The following TSHZ2 variants were observed in gnomAD, a reference collection of about 807,000 sequenced individuals.
TSHZ2 encodes the protein teashirt homolog 2.
A neutral mutation model predicts 74.4 loss-of-function variants in TSHZ2; 21 were observed. The observed-to-expected ratio is 0.28, with a 90% CI of 0.20 to 0.41. TSHZ2 has a LOEUF of 0.41. Among genes scored for constraint, TSHZ2 ranks in the 10% least tolerant of loss-of-function variants. The pLI is 1.00. For synonymous variants in TSHZ2, 540 were observed against 515.3 expected (o/e 1.05, Z -0.65); for missense variants, 1,244 against 1,293.5 (o/e 0.96, Z 0.59).
At chr20:53,026,352 CTTT>C (rs113816786) in intron 1 of TSHZ2, among the ~76,000 whole-genome samples, 1 of 143,798 alleles carries the variant, frequency 7.0e-6, no homozygotes. Context: ...CTCTCATATT[CTTT>C]TTTTTTTTTT....
Position 52,993,839 on chromosome 20 carries a change from A to C in TSHZ2, c.40+20506A>C, listed in dbSNP as rs79815836. The stretch of plus-strand genomic sequence containing the variant: ...CCAATTTGTGGATTGAGATGTTTTA[A>C]TTTTCTATGCGAGAAACACATAACA... On this transcript the variant is annotated intron_variant, in intron 1 of 2. Transcript: ENST00000371497. Among the ~76,000 whole-genome samples the C allele has an allele frequency of 3.3e-5, 5 of 152,348 alleles. No individual in the cohort carries two copies. The East Asian group carries it at 9.6e-4, about 29-fold the overall frequency.
intron 1 of TSHZ2, among the ~76,000 whole-genome samples, chr20:53,251,376 A>C (rs1172885946): frequency 1.3e-5 from 2 of 152,250 alleles, no homozygotes; most frequent in African/African-American, 4.8e-5. Flanking sequence ...TTTATAACAG[A>C]GACTTTCTCT....
At chr20:53,448,243 T>TA (rs1984636420) in intron 2 of TSHZ2, among the ~76,000 whole-genome samples, 1 of 151,970 alleles carries the variant, frequency 6.6e-6, no homozygotes, top group Non-Finnish European at 1.5e-5. Context: ...CCTGATTGAG[T>TA]AAAATTAGGG....
At chr20:53,069,194 C>A (rs760476140) in intron 1 of TSHZ2, among the ~76,000 whole-genome samples, 26 of 152,098 alleles carry the variant, frequency 1.7e-4, no homozygotes, top group Non-Finnish European at 2.6e-4. Context: ...TGAAGAGATA[C>A]CTTCCCAAGA....
chr20:53,030,756 T>G (rs1261378125), intron 1 of TSHZ2, among the ~76,000 whole-genome samples: 1 of 152,248 alleles, frequency 6.6e-6, no homozygotes, highest in Admixed American at 6.5e-5. Context: ...TGGTAATATT[T>G]GGACTACAGC....
At chr20:53,481,292 C>T (rs1048947269) in intron 2 of TSHZ2, among the ~76,000 whole-genome samples, 1 of 152,128 alleles carries the variant, frequency 6.6e-6, no homozygotes, top group African/African-American at 2.4e-5. Context: ...AATAATTTGG[C>T]TAGGCACGGT....
intron 2 of TSHZ2, among the ~76,000 whole-genome samples, chr20:53,275,565 A>G (rs992573226): frequency 6.6e-6 from 1 of 152,184 alleles, no homozygotes; most frequent in Non-Finnish European, 1.5e-5. Flanking sequence ...TGTGTGCTGT[A>G]TAATTCCTAA....
intron 1 of TSHZ2, among the ~76,000 whole-genome samples, chr20:53,153,754 A>G (rs1987728809): frequency 6.6e-6 from 1 of 152,192 alleles, no homozygotes; most frequent in Non-Finnish European, 1.5e-5. Flanking sequence ...GCTGCATTAA[A>G]AAACCATTCC....
At chr20:53,312,918 A>G (rs1051344583) in intron 2 of TSHZ2, among the ~76,000 whole-genome samples, 8 of 152,218 alleles carry the variant, frequency 5.3e-5, no homozygotes, top group Non-Finnish European at 1.2e-4. Context: ...TTTTCTTTCC[A>G]TGAAGGACTG....
At chr20:53,190,131 A>ATTTTTT (rs1263239847) in intron 1 of TSHZ2, among the ~76,000 whole-genome samples, 7 of 87,016 alleles carry the variant, frequency 8.0e-5, no homozygotes, top group African/African-American at 3.3e-4. Flanking sequence ...ATATATATAT[A>ATTTTTT]TATATATTTT....
intron 1 of TSHZ2, among the ~76,000 whole-genome samples, chr20:53,146,364 C>A (rs1239483007): frequency 6.6e-6 from 1 of 151,906 alleles, no homozygotes; most frequent in Non-Finnish European, 1.5e-5. Flanking sequence ...TAAATTGGTG[C>A]CCGCACCTCA....
intron 2 of TSHZ2, among the ~76,000 whole-genome samples, chr20:53,350,033 A>T (rs981555135): frequency 2.0e-5 from 3 of 152,178 alleles, no homozygotes; most frequent in African/African-American, 7.2e-5. Flanking sequence ...TTCTGCCATC[A>T]TATCCTACTA....
intron 1 of TSHZ2, among the ~76,000 whole-genome samples, chr20:53,033,117 G>C (rs1043058275): frequency 1.3e-5 from 2 of 152,206 alleles, no homozygotes; most frequent in Non-Finnish European, 2.9e-5. Flanking sequence ...TAAGTAAGTA[G>C]ATGCTATGAT....
intron 2 of TSHZ2, among the ~76,000 whole-genome samples, chr20:53,267,651 GT>G (rs1474351417): frequency 6.6e-6 from 1 of 152,166 alleles, no homozygotes; most frequent in Non-Finnish European, 1.5e-5. Flanking sequence ...ACAAAGGGCT[GT>G]TTAAAGATGC....
At chr20:53,234,392 A>G (rs1280014638) in intron 1 of TSHZ2, among the ~76,000 whole-genome samples, 2 of 152,218 alleles carry the variant, frequency 1.3e-5, no homozygotes, top group Non-Finnish European at 2.9e-5. Flanking sequence ...GCCTCCATAC[A>G]GCATCAAGCC....
At chr20:53,066,646 A>T (rs577103672) in intron 1 of TSHZ2, among the ~76,000 whole-genome samples, 7 of 152,122 alleles carry the variant, frequency 4.6e-5, no homozygotes, top group African/African-American at 1.7e-4. Context: ...TAGCTGGGAT[A>T]ACAGGTACGC....
intron 2 of TSHZ2, among the ~76,000 whole-genome samples, chr20:53,290,813 G>A (rs1991264311): frequency 6.6e-6 from 1 of 152,202 alleles, no homozygotes; most frequent in Non-Finnish European, 1.5e-5. Flanking sequence ...AATCTCCAAA[G>A]TGCTACCTAT....
In TSHZ2 at chr20:53,282,211, A is replaced by G. The variant is rs569230867; in HGVS notation, c.*8+25640A>G. Among the ~76,000 whole-genome samples the G allele has an allele frequency of 6.6e-5, 10 of 152,350 alleles. No individual in the cohort carries two copies. In the South Asian group the frequency reaches 2.1e-3, roughly 32 times the overall value. On this transcript the variant is annotated intron_variant, in intron 2 of 2. Coordinates refer to ENST00000371497, the MANE Select transcript of TSHZ2 (RefSeq NM_173485.6). ...CCTCTCAGAGCTGATGTTAAAATAT[A>G]TCAAGTTCTTTTGTCCAAAAAAAGG...
intron 1 of TSHZ2, among the ~76,000 whole-genome samples, chr20:53,106,575 T>G (rs1181887466): frequency 6.6e-6 from 1 of 150,528 alleles, no homozygotes; most frequent in African/African-American, 2.5e-5. Flanking sequence ...CAGCTAATTT[T>G]TTGTATTTTT....
Sources: gnomAD v4.1 joint callset for allele counts (sites outside exome capture counted in the v4.1 genomes callset) on GRCh38, gnomAD v4.1.1 for gene constraint, MANE v1.5 for transcripts, NCBI Gene and HGNC (gene_info 2026-07-23, HGNC 2026-07-21) for gene names.